COX6C: variants seen among roughly 807,000 people sequenced by gnomAD.
COX6C encodes the protein cytochrome c oxidase subunit 6C.
A neutral mutation model predicts 6.9 loss-of-function variants in COX6C; 3 were observed. The observed-to-expected ratio is 0.43, with a 90% CI of 0.20 to 1.12. The LOEUF is 1.12. COX6C is among the 50% of genes most tolerant of loss of function. COX6C has a pLI of 0.27. For missense variants in COX6C, 101 were observed against 97.3 expected (o/e 1.04, Z -0.16); for synonymous variants, 32 against 32.0 (o/e 1.00, Z 0.00).
intron 1 of COX6C, among the ~76,000 whole-genome samples, chr8:99,892,352 A>G (rs1818067912): frequency 6.6e-6 from 1 of 152,142 alleles, no homozygotes. Context: ...TCAAAAATTT[A>G]CATTAAAATA....
At position 99,887,595 on chromosome 8, in the gene COX6C, C is replaced by T. The variant is rs1817964214; in HGVS notation, c.138G>A (p.Lys46=). 1 of 1,603,720 alleles carries T rather than the reference C, an allele frequency of 6.2e-7. No individual in the cohort carries two copies. The highest frequency in any genetic ancestry group is 8.5e-7 in the Non-Finnish European group (1 of 1,177,290). ...LYKFRVADQR[K]KAYADFYRNY... ...TTCTGTAGAAATCTGCGTATGCCTT[C>T]TTTCTTTGATCAGCCACACGAAACT... Residue 46 remains lysine, a synonymous_variant, in exon 3 of 4, where the codon AAG becomes AAA. Coordinates refer to ENST00000520468, the MANE Select transcript of COX6C (RefSeq NM_004374.4).
chr8:99,879,191 T>C (rs1410600914), intron 3 of COX6C, among the ~76,000 whole-genome samples: 1 of 152,240 alleles, frequency 6.6e-6, no homozygotes, highest in Admixed American at 6.5e-5. Context: ...CAAATCAGTT[T>C]AGATGACTTT....
intron 3 of COX6C, among the ~76,000 whole-genome samples, chr8:99,885,521 A>G (rs959032880): frequency 1.3e-5 from 2 of 152,142 alleles, no homozygotes; most frequent in Non-Finnish European, 2.9e-5. Flanking sequence ...ATTTAGAGTC[A>G]AATGATTTCA....
chr8:99,880,128 G>A (rs907048946), intron 3 of COX6C, among the ~76,000 whole-genome samples: 6 of 152,192 alleles, frequency 3.9e-5, no homozygotes, highest in South Asian at 2.1e-4. Context: ...TTTATGGTGC[G>A]CTAATCAGTG....
At chr8:99,891,516 G>A (rs762565025) in intron 2 of COX6C, among the ~76,000 whole-genome samples, 6 of 151,870 alleles carry the variant, frequency 4.0e-5, no homozygotes, top group Non-Finnish European at 7.4e-5. Flanking sequence ...TGAAAAGAAG[G>A]GCAGAAAAAG....
intron 3 of COX6C, chr8:99,886,529 T>C (rs892436212): frequency 2.3e-4 from 35 of 152,300 alleles, no homozygotes; most frequent in African/African-American, 7.5e-4. Flanking sequence ...CCCAAAAGAA[T>C]TGATAGCAAG....
chr8:99,887,529 A>G lies in COX6C; in HGVS notation c.204T>C (p.Ala68=). ...VMKDFEEMRK[A]GIFQSVK is the part of the protein sequence containing the mutation. The stretch of plus-strand genomic sequence containing the variant: ...ATTACTTTACACTCTGAAAGATACC[A>G]GCCTTCCTCATCTCCTCAAAATCTT... Residue 68 remains alanine, a synonymous_variant, in exon 3 of 4, where the codon GCT becomes GCC. Coordinates refer to ENST00000520468, the MANE Select transcript of COX6C (RefSeq NM_004374.4). 3.1e-6 allele frequency: 5 copies of G among 1,605,868 alleles called. No individual in the cohort carries two copies. The highest frequency in any genetic ancestry group is 4.2e-6 in the Non-Finnish European group (5 of 1,176,732).
At chr8:99,883,874 T>C (rs917702223) in intron 3 of COX6C, among the ~76,000 whole-genome samples, 5 of 152,178 alleles carry the variant, frequency 3.3e-5, no homozygotes, top group Non-Finnish European at 5.9e-5. Context: ...TGCAAATCAA[T>C]AGATGTGACA....
intron 2 of COX6C, among the ~76,000 whole-genome samples, 168 bp from the exon 3 acceptor site, chr8:99,887,786 T>C (rs1817966902): frequency 6.6e-6 from 1 of 152,070 alleles, no homozygotes; most frequent in Non-Finnish European, 1.5e-5. Context: ...GAAGACAAAG[T>C]CTAAGAAACT....
intron 1 of COX6C, 139 bp from the exon 2 acceptor site, chr8:99,892,191 T>G (rs1479667080): frequency 1.7e-6 from 1 of 586,948 alleles, no homozygotes; most frequent in South Asian, 2.1e-5. Flanking sequence ...ATGTTTTTCT[T>G]TTTTGGCAGA....
intron 3 of COX6C, among the ~76,000 whole-genome samples, chr8:99,881,551 T>C (rs1190689661): frequency 6.6e-6 from 1 of 152,102 alleles, no homozygotes; most frequent in Non-Finnish European, 1.5e-5. Flanking sequence ...TTATATGCAA[T>C]TGAGGTTGTT....
chr8:99,884,509 C>T (rs1359953097), intron 3 of COX6C, among the ~76,000 whole-genome samples: 1 of 152,110 alleles, frequency 6.6e-6, no homozygotes. Flanking sequence ...CATGCAATCC[C>T]CATGGTAACC....
chr8:99,886,519 C>G (rs1817944919), intron 3 of COX6C: 1 of 151,970 alleles, frequency 6.6e-6, no homozygotes, highest in Non-Finnish European at 1.5e-5. Flanking sequence ...TTGAATATAC[C>G]CCAAAAGAAT....
chr8:99,893,417 G>A (rs773875975), intron 1 of COX6C: 18 of 152,238 alleles, frequency 1.2e-4, no homozygotes, highest in Non-Finnish European at 2.5e-4. Context: ...AGCCCACCCG[G>A]CTTCGGTGGG....
intron 3 of COX6C, among the ~76,000 whole-genome samples, chr8:99,883,130 T>C (rs1817890110): frequency 6.6e-6 from 1 of 151,902 alleles, no homozygotes; most frequent in African/African-American, 2.4e-5. Context: ...AGGAAAACAA[T>C]AATCTGAACG....
chr8:99,880,062 T>C (rs373243816), intron 3 of COX6C, among the ~76,000 whole-genome samples: 25 of 152,280 alleles, frequency 1.6e-4, no homozygotes, highest in African/African-American at 5.3e-4. Flanking sequence ...CTAATGCATA[T>C]GCACAGGCCC....
At chr8:99,884,905 C>T (rs534539669) in intron 3 of COX6C, among the ~76,000 whole-genome samples, 5 of 152,282 alleles carry the variant, frequency 3.3e-5, no homozygotes, top group African/African-American at 7.2e-5. Context: ...AATATTGTTA[C>T]GATGTCCATA....
chr8:99,880,246 C>T (rs1011487157), intron 3 of COX6C, among the ~76,000 whole-genome samples: 7 of 152,054 alleles, frequency 4.6e-5, no homozygotes, highest in East Asian at 3.9e-4. Context: ...TAGGGAAACA[C>T]GGACGATTGA....
At chr8:99,892,201 A>T in intron 1 of COX6C, 149 bp from the exon 2 acceptor site, 1 of 581,848 alleles carries the variant, frequency 1.7e-6, no homozygotes, top group Non-Finnish European at 3.0e-6. Context: ...TTTTTGGCAG[A>T]AACAGGGTCT....
Sources: gnomAD v4.1 joint callset for allele counts (sites outside exome capture counted in the v4.1 genomes callset) on GRCh38, gnomAD v4.1.1 for gene constraint, MANE v1.5 for transcripts, NCBI Gene and HGNC (gene_info 2026-07-23, HGNC 2026-07-21) for gene names.